SLC9C1: variants seen among roughly 807,000 people sequenced by gnomAD.
The protein encoded by SLC9C1 is solute carrier family 9 member C1.
In SLC9C1, 97 loss-of-function variants were observed where a neutral mutation model predicts 140.9. The ratio of observed to expected loss-of-function variants is 0.69; its 90% CI spans 0.58 to 0.82. The LOEUF is 0.82. Among genes scored for constraint, SLC9C1 ranks in the 40% least tolerant of loss-of-function variants. The probability of loss-of-function intolerance (pLI) is 0.00; values close to 1 mark genes in which losing one functional copy is unlikely to be tolerated. For missense variants in SLC9C1, 1,340 were observed against 1,389.3 expected (o/e 0.96, Z 0.56); for synonymous variants, 440 against 442.6 (o/e 0.99, Z 0.07).
intron 11 of SLC9C1, among the ~76,000 whole-genome samples, chr3:112,240,952 A>G (rs2079122945): frequency 6.7e-6 from 1 of 149,854 alleles, no homozygotes; most frequent in South Asian, 2.2e-4. Flanking sequence ...CATAGAGGGT[A>G]GAATGATGGT....
intron 10 of SLC9C1, among the ~76,000 whole-genome samples, chr3:112,257,212 A>G (rs1207887973): frequency 6.6e-6 from 1 of 152,208 alleles, no homozygotes; most frequent in Non-Finnish European, 1.5e-5. Flanking sequence ...TAAAATTCGT[A>G]TGGAACCAAA....
At chr3:112,174,878 CAGTGAGGAAA>C (rs67704362) in intron 23 of SLC9C1, among the ~76,000 whole-genome samples, 44,938 of 151,902 alleles carry the variant, frequency 0.3, 7,172 homozygotes, top group East Asian at 0.42. Flanking sequence ...CAGCCCTGCC[CAGTGAGGAAA>C]AGTGAGGATC....
chr3:112,213,000 C>A (rs963302258), intron 15 of SLC9C1, among the ~76,000 whole-genome samples: 2 of 152,194 alleles, frequency 1.3e-5, no homozygotes, highest in African/African-American at 4.8e-5. Flanking sequence ...AGAATAATAG[C>A]AGATCTCTCA....
intron 12 of SLC9C1, among the ~76,000 whole-genome samples, chr3:112,234,313 A>C (rs2078920948): frequency 6.6e-6 from 1 of 152,108 alleles, no homozygotes; most frequent in African/African-American, 2.4e-5. Context: ...TCATTTGCCC[A>C]CTTTTTGATG....
rs372778586 is a variant in SLC9C1 at position 112,204,199 on chromosome 3, C to T, written c.2172+19G>A. On this transcript the variant is annotated intron_variant, in intron 17 of 28. Transcript: ENST00000305815. ...CAATCAGTAGGAATTAGAAATTGCA[C>T]GATTTACTGGTTCTTTACCTTGAAA... 3.7e-5 allele frequency: 54 copies of T among 1,449,534 alleles called. No individual in the cohort carries two copies. The African/African-American group carries it at 5.8e-4, about 16-fold the overall frequency. The allele number at this position is 1,449,534 out of a possible 1,614,324, so 89.8% of individuals were successfully genotyped here.
intron 12 of SLC9C1, among the ~76,000 whole-genome samples, chr3:112,235,952 A>C (rs1396955196): frequency 6.6e-6 from 1 of 152,298 alleles, no homozygotes; most frequent in East Asian, 1.9e-4. Flanking sequence ...TGTCTCTGCC[A>C]GGCTTTGGTA....
chr3:112,208,143 A>G (rs554658460), intron 16 of SLC9C1, 35 bp downstream of exon 16: 3 of 1,478,114 alleles, frequency 2.0e-6, no homozygotes, highest in East Asian at 2.4e-5. Context: ...TGTCAGACAT[A>G]TAACACTTCC....
intron 28 of SLC9C1, among the ~76,000 whole-genome samples, chr3:112,141,890 G>C (rs2074635909): frequency 6.6e-6 from 1 of 151,888 alleles, no homozygotes; most frequent in East Asian, 1.9e-4. Flanking sequence ...ATTGTATGTT[G>C]CATATTTTGC....
At chr3:112,232,978 C>T (rs2078868019) in intron 12 of SLC9C1, among the ~76,000 whole-genome samples, 1 of 150,382 alleles carries the variant, frequency 6.6e-6, no homozygotes, top group Non-Finnish European at 1.5e-5. Context: ...GACCCCTGAC[C>T]CCTCCCAATT....
At position 112,292,899 on chromosome 3, in the gene SLC9C1, TAA is replaced by T. The variant is rs775677682; in HGVS notation, c.-88+1192_-88+1193del. The stretch of plus-strand genomic sequence containing the variant: ...CTTAAGCTGACTTTTGACAGCTTTG[TAA>T]AAGTCTGTGAGTCCAAATCCCATTA... On this transcript the variant is annotated intron_variant, in intron 1 of 28. Coordinates refer to ENST00000305815, the MANE Select transcript of SLC9C1 (RefSeq NM_183061.3). Among the ~76,000 whole-genome samples, 4 of 152,182 alleles carry T rather than the reference TAA, an allele frequency of 2.6e-5. No homozygotes were observed. In the East Asian group the frequency reaches 7.7e-4, roughly 29 times the overall value.
intron 14 of SLC9C1, among the ~76,000 whole-genome samples, chr3:112,220,346 G>A (rs1422152888): frequency 6.6e-6 from 1 of 152,120 alleles, no homozygotes; most frequent in Non-Finnish European, 1.5e-5. Flanking sequence ...TTGTACATGT[G>A]ACTTAACACA....
intron 10 of SLC9C1, among the ~76,000 whole-genome samples, chr3:112,246,826 G>C (rs2079299218): frequency 6.6e-6 from 1 of 152,104 alleles, no homozygotes; most frequent in Admixed American, 6.6e-5. Context: ...CAGGAAAAGA[G>C]CTTAAAAAGC....
chr3:112,267,347 C>T (rs1246091714), intron 7 of SLC9C1, among the ~76,000 whole-genome samples: 4 of 151,830 alleles, frequency 2.6e-5, no homozygotes, highest in Admixed American at 2.0e-4. Flanking sequence ...GAGGCCAAGG[C>T]GGGTGGATCA....
chr3:112,156,996 T>G (rs974835681), intron 26 of SLC9C1, among the ~76,000 whole-genome samples: 2 of 152,160 alleles, frequency 1.3e-5, no homozygotes, highest in African/African-American at 2.4e-5. Context: ...GTAGACTGTT[T>G]CCTTTGTTGT....
chr3:112,287,373 A>G (rs531268867), intron 1 of SLC9C1, among the ~76,000 whole-genome samples: 2 of 152,372 alleles, frequency 1.3e-5, no homozygotes, highest in East Asian at 3.9e-4. Flanking sequence ...ATAAATCATG[A>G]TGATATCCAA....
At chr3:112,263,843 C>G (rs1444382546) in intron 9 of SLC9C1, among the ~76,000 whole-genome samples, 1 of 151,728 alleles carries the variant, frequency 6.6e-6, no homozygotes, top group Non-Finnish European at 1.5e-5. Flanking sequence ...ATTTAAAAAG[C>G]AATTTCTAAC....
intron 14 of SLC9C1, among the ~76,000 whole-genome samples, chr3:112,218,174 GT>G (rs61498352): frequency 0.053 from 7,551 of 143,224 alleles, 223 homozygotes; most frequent in South Asian, 0.094. Context: ...TTTCTGCTAG[GT>G]TTTTTTTTTT....
intron 15 of SLC9C1, among the ~76,000 whole-genome samples, chr3:112,210,040 A>G (rs6784524): frequency 0.3 from 45,643 of 152,092 alleles, 7,068 homozygotes; most frequent in East Asian, 0.36. Context: ...AATCTTGAAA[A>G]AGAAAGTTGA....
intron 15 of SLC9C1, among the ~76,000 whole-genome samples, chr3:112,211,715 A>G (rs2078211705): frequency 6.6e-6 from 1 of 152,190 alleles, no homozygotes; most frequent in South Asian, 2.1e-4. Flanking sequence ...CGGGAGGCTC[A>G]AGCTGGGTGG....
Sources: allele counts gnomAD v4.1 joint callset (sites outside exome capture counted in the v4.1 genomes callset), GRCh38; gene constraint gnomAD v4.1.1; transcripts MANE v1.5; gene names NCBI Gene and HGNC (gene_info 2026-07-23, HGNC 2026-07-21).